Variants in CAT observed in about 807,000 individuals in gnomAD.
CAT encodes catalase.
A neutral mutation model predicts 59.0 loss-of-function variants in CAT; 43 were observed. That is an observed-to-expected ratio of 0.73 (90% CI 0.57 to 0.94). The LOEUF (loss-of-function observed/expected upper bound fraction) is 0.94, where lower values mean the gene tolerates loss of function less well. CAT is among the 40% of genes least tolerant of loss of function. The pLI, the probability that CAT is intolerant of heterozygous loss-of-function variation, is 0.00. For missense variants in CAT, 664 were observed against 682.9 expected (o/e 0.97, Z 0.31); for synonymous variants, 218 against 230.9 (o/e 0.94, Z 0.51).
intron 8 of CAT, among the ~76,000 whole-genome samples, chr11:34,458,794 T>C (rs1213123928): frequency 6.6e-6 from 1 of 152,138 alleles, no homozygotes; most frequent in Non-Finnish European, 1.5e-5. Context: ...CAATGAAGAT[T>C]TGAATGGAGA....
At chr11:34,471,292 A>G (rs762753495) in intron 12 of CAT, 76 bp from the exon 13 acceptor site, 45 of 1,124,432 alleles carry the variant, frequency 4.0e-5, no homozygotes, top group Non-Finnish European at 6.1e-5. Context: ...TCATTTGCAT[A>G]CATATTAAAA....
chr11:34,464,657 T>C (rs1419107949), intron 10 of CAT, among the ~76,000 whole-genome samples: 2 of 151,986 alleles, frequency 1.3e-5, no homozygotes, highest in Non-Finnish European at 2.9e-5. Flanking sequence ...GCGTTTCCAC[T>C]GCAGGGCTCG....
At chr11:34,445,728 C>G (rs991155832) in intron 1 of CAT, among the ~76,000 whole-genome samples, 5 of 151,918 alleles carry the variant, frequency 3.3e-5, no homozygotes, top group Non-Finnish European at 4.4e-5. Flanking sequence ...TAAAATTATC[C>G]AGCCATAGAG....
rs1400111423 is a variant in CAT, at chr11:34,439,135, C to T, written c.66+56C>T. 8.6e-6 allele frequency: 13 copies of T among 1,505,372 alleles called. No individual in the cohort carries two copies. In the East Asian group the frequency reaches 2.9e-4, roughly 34 times the overall value. 93.3% of individuals were successfully genotyped at this position (1,505,372 alleles called of 1,614,324 possible). ...AGGTCCGTTTAGAAAGCGGGGGCGT[C>T]GGCAAGTAAAGGCCCGGCTTCCCCC... is the stretch of plus-strand genomic sequence containing the variant. On this transcript the variant is annotated intron_variant, in intron 1 of 12. Coordinates refer to ENST00000241052, the MANE Select transcript of CAT (RefSeq NM_001752.4).
chr11:34,460,218 T>A (rs1205417273), intron 8 of CAT, among the ~76,000 whole-genome samples: 1 of 152,216 alleles, frequency 6.6e-6, no homozygotes, highest in Non-Finnish European at 1.5e-5. Context: ...ATGCAGAATT[T>A]ATCATAAAGC....
At chr11:34,468,214 T>C (rs1206165990) in intron 10 of CAT, 74 bp from the exon 11 acceptor site, 2 of 986,218 alleles carry the variant, frequency 2.0e-6, no homozygotes, top group Non-Finnish European at 3.3e-6. Flanking sequence ...ATTTCCTAAG[T>C]GTTGTAGTAG....
rs56248816 is a variant in CAT at position 34,456,170 on chromosome 11, A to G, written c.871A>G (p.Thr291Ala). The G allele has an allele frequency of 1.5e-4, 235 of 1,614,058 alleles. No homozygotes were observed. In the African/African-American group the frequency reaches 2.9e-3, roughly 20 times the overall value. The part of the protein sequence containing the change: ...IQVMTFNQAE[T>A]FPFNPFDLTK... ...GGTCATGACATTTAATCAGGCAGAA[A>G]CTTTTCCATTTAATCCATTCGATCT... Residue 291 changes from threonine (T) to alanine (A), a missense_variant, in exon 7 of 13, where the codon ACT (threonine) becomes GCT (alanine). Transcript: ENST00000241052.
chr11:34,455,566 A>G (rs1856578793), intron 6 of CAT, among the ~76,000 whole-genome samples: 1 of 151,952 alleles, frequency 6.6e-6, no homozygotes, highest in Admixed American at 6.6e-5. Flanking sequence ...ACAGGGGTGA[A>G]GGGATACTGG....
intron 10 of CAT, among the ~76,000 whole-genome samples, chr11:34,468,010 T>G (rs1590310382): frequency 6.6e-6 from 1 of 152,204 alleles, no homozygotes; most frequent in African/African-American, 2.4e-5. Flanking sequence ...GTATTAAGAA[T>G]GTGGTGAGGT....
chr11:34,457,708 G>A (rs1856608014), intron 8 of CAT, among the ~76,000 whole-genome samples: 1 of 152,106 alleles, frequency 6.6e-6, no homozygotes, highest in African/African-American at 2.4e-5. Flanking sequence ...ATTGTACTTT[G>A]GATCAGAATC....
chr11:34,469,365 G>A (rs1280971993), intron 11 of CAT, among the ~76,000 whole-genome samples: 1 of 152,088 alleles, frequency 6.6e-6, no homozygotes, highest in Non-Finnish European at 1.5e-5. Flanking sequence ...TAGCAGAACT[G>A]GGCTGGAACC....
intron 1 of CAT, among the ~76,000 whole-genome samples, chr11:34,439,481 C>T (rs1053946339): frequency 3.3e-5 from 5 of 152,118 alleles, no homozygotes; most frequent in Admixed American, 1.3e-4. Flanking sequence ...ACTGTTTACA[C>T]GCTTTCATAG....
rs368550658 is a variant in CAT, at chr11:34,461,167, C to T, written c.1057-84C>T. On this transcript the variant is annotated intron_variant, in intron 8 of 12. Coordinates refer to ENST00000241052, the MANE Select transcript of CAT (RefSeq NM_001752.4). ...ACCATGTACAGAGTGCTTTGTACTT[C>T]AAATTTCAGAATGAAGTTTACAGCC... The T allele has an allele frequency of 5.6e-4, 834 of 1,483,326 alleles. 4 individuals carry two copies. In the African/African-American group the frequency reaches 7.0e-3, roughly 12 times the overall value. 91.9% of individuals were successfully genotyped at this position (1,483,326 alleles called of 1,614,324 possible).
chr11:34,447,569 G>C (rs1856473029), intron 1 of CAT, among the ~76,000 whole-genome samples: 1 of 152,176 alleles, frequency 6.6e-6, no homozygotes, highest in East Asian at 1.9e-4. Flanking sequence ...CCCTTAAACT[G>C]TGACAGTTTA....
chr11:34,455,138 G>A (rs1856574649), intron 6 of CAT, among the ~76,000 whole-genome samples: 1 of 152,166 alleles, frequency 6.6e-6, no homozygotes, highest in African/African-American at 2.4e-5. Context: ...CTCTTTGGGC[G>A]ATCTGTACAT....
intron 2 of CAT, 100 bp from the exon 3 acceptor site, chr11:34,450,888 G>T: frequency 2.4e-6 from 2 of 825,820 alleles, no homozygotes; most frequent in Non-Finnish European, 4.3e-6. Context: ...CAGAAGGCTG[G>T]TGCTAACCAT....
At chr11:34,447,990 G>T (rs761580211) in intron 1 of CAT, among the ~76,000 whole-genome samples, 3 of 152,180 alleles carry the variant, frequency 2.0e-5, no homozygotes, top group Non-Finnish European at 4.4e-5. Flanking sequence ...AACTCTAGTG[G>T]CAAGGGCATT....
intron 9 of CAT, among the ~76,000 whole-genome samples, chr11:34,463,538 A>C (rs1341611626): frequency 6.6e-6 from 1 of 152,238 alleles, no homozygotes; most frequent in Non-Finnish European, 1.5e-5. Context: ...CAAAAAACCC[A>C]GAGTTCCAAC....
At chr11:34,445,512 A>AG (rs1307469891) in intron 1 of CAT, among the ~76,000 whole-genome samples, 1 of 150,344 alleles carries the variant, frequency 6.7e-6, no homozygotes, top group Non-Finnish European at 1.5e-5. Context: ...AAAAAAAAAA[A>AG]AAAAAAAAAA....
Sources: gnomAD v4.1 joint callset for allele counts (sites outside exome capture counted in the v4.1 genomes callset) on GRCh38, gnomAD v4.1.1 for gene constraint, MANE v1.5 for transcripts, NCBI Gene and HGNC (gene_info 2026-07-23, HGNC 2026-07-21) for gene names.